The following ARID2 variants were observed in gnomAD, a reference collection of about 807,000 sequenced individuals.
ARID2 encodes the protein AT-rich interaction domain 2.
In ARID2, 32 loss-of-function variants were observed where a neutral mutation model predicts 184.6. The observed-to-expected ratio is 0.17, with a 90% CI of 0.13 to 0.23. ARID2 has a LOEUF of 0.23. ARID2 is among the 10% of genes least tolerant of loss of function. The pLI is 1.00. For synonymous variants in ARID2, 836 were observed against 772.6 expected, an observed-to-expected ratio of 1.08 and a Z score of -1.36; for missense variants, 1,696 against 2,197.6, an observed-to-expected ratio of 0.77 and a Z score of 4.56.
intron 3 of ARID2, among the ~76,000 whole-genome samples, chr12:45,790,235 T>C (rs1276832493): frequency 6.6e-6 from 1 of 152,176 alleles, no homozygotes; most frequent in African/African-American, 2.4e-5. Flanking sequence ...CTTTTTTATA[T>C]GATGCTTAAA....
At position 45,741,002 on chromosome 12, in the gene ARID2, C is replaced by T. The variant is rs146161477; in HGVS notation, c.284+9688C>T. ...TTTTGAATTAATAAGTATTCTGTAG[C>T]GACATACCTTGAGACCATGAAACTA... On this transcript the variant is annotated intron_variant, in intron 3 of 20. Transcript: ENST00000334344. 1.3e-3 allele frequency among the ~76,000 whole-genome samples: 205 copies of T among 152,214 alleles called. 2 individuals are homozygous for T. The highest frequency in any genetic ancestry group is 6.8e-3 in the Middle Eastern group (2 of 294).
intron 3 of ARID2, among the ~76,000 whole-genome samples, chr12:45,734,002 T>C (rs186498282): frequency 4.1e-4 from 62 of 152,328 alleles, no homozygotes; most frequent in Admixed American, 1.6e-3. Context: ...TATATACACG[T>C]ACTGTGTACC....
intron 3 of ARID2, among the ~76,000 whole-genome samples, chr12:45,735,245 A>G (rs1001383319): frequency 2.6e-5 from 4 of 152,166 alleles, no homozygotes; most frequent in Non-Finnish European, 5.9e-5. Context: ...AATTCTTTTA[A>G]GAGAAAGCCT....
rs1940933817 is a variant in ARID2, at chr12:45,729,779, C to T, written c.-58C>T. Reference sequence around the variant, plus strand: ...GGGCTCTGGTAGGAAGCGCTGGGAGCGGGGGGCGCTTTTAAAACACCGATC... The same window carrying T: ...GGGCTCTGGTAGGAAGCGCTGGGAGTGGGGGGCGCTTTTAAAACACCGATC... On this transcript the variant is annotated 5_prime_UTR_variant, in exon 1 of 21. Transcript: ENST00000334344. 3 of 1,489,172 alleles carry T rather than the reference C, an allele frequency of 2.0e-6. No homozygotes were observed. The highest frequency in any genetic ancestry group is 1.8e-6 in the Non-Finnish European group (2 of 1,093,284). The allele number at this position is 1,489,172 out of a possible 1,614,324, so 92.2% of individuals were successfully genotyped here.
chr12:45,753,719 G>A (rs1197383143), intron 3 of ARID2, among the ~76,000 whole-genome samples: 2 of 151,964 alleles, frequency 1.3e-5, no homozygotes, highest in Non-Finnish European at 2.9e-5. Context: ...TCAGCCTCCC[G>A]AATAGCTGGG....
intron 11 of ARID2, among the ~76,000 whole-genome samples, 191 bp from the exon 12 acceptor site, chr12:45,846,665 A>C (rs1211952311): frequency 2.0e-5 from 3 of 152,118 alleles, no homozygotes; most frequent in Non-Finnish European, 4.4e-5. Flanking sequence ...GAATCCTCTA[A>C]GACAGTGCCT....
intron 3 of ARID2, among the ~76,000 whole-genome samples, chr12:45,808,740 T>C (rs1328194270): frequency 1.4e-4 from 20 of 144,282 alleles, no homozygotes; most frequent in African/African-American, 3.5e-4. Flanking sequence ...TGCGTGCGTG[T>C]GTGTGTGTGT....
intron 11 of ARID2, among the ~76,000 whole-genome samples, chr12:45,845,364 A>G (rs976344440): frequency 1.3e-5 from 2 of 152,136 alleles, no homozygotes; most frequent in Non-Finnish European, 2.9e-5. Context: ...AGGAAAAATT[A>G]TTTTTGTTCT....
intron 3 of ARID2, among the ~76,000 whole-genome samples, chr12:45,761,331 TTTG>T (rs1447734909): frequency 1.3e-5 from 2 of 152,244 alleles, no homozygotes; most frequent in Non-Finnish European, 2.9e-5. Context: ...CTTCCCATAT[TTTG>T]TTGTTTTCTT....
intron 6 of ARID2, among the ~76,000 whole-genome samples, chr12:45,835,388 CCAAA>C (rs1426589162): frequency 6.6e-6 from 1 of 151,872 alleles, no homozygotes; most frequent in South Asian, 2.1e-4. Flanking sequence ...TTTATTGCTA[CCAAA>C]CATTGTTTGT....
rs2138167149 is a variant in ARID2, at chr12:45,851,023, A to T, written c.2900A>T (p.Asn967Ile). The T allele has an allele frequency of 6.2e-7, 1 of 1,614,136 alleles. No individual in the cohort carries two copies. The highest frequency in any genetic ancestry group is 8.5e-7 in the Non-Finnish European group (1 of 1,180,004). Residue 967 changes from asparagine (N) to isoleucine (I), a missense_variant, in exon 15 of 21, where the codon AAC becomes ATC. Physicochemically the swap from Asn to Ile is moderately radical, Grantham distance 149 (BLOSUM62 -3). Transcript: ENST00000334344. ...ACAGTTCAGCTAACTGGACAACCTA[A>T]CATAACTCCATCTTCTTCACCATCA... ...GQTVQLTGQP[N>I]ITPSSSPSPV...
chr12:45,780,650 C>A (rs1942071014), intron 3 of ARID2, among the ~76,000 whole-genome samples: 1 of 151,868 alleles, frequency 6.6e-6, no homozygotes, highest in South Asian at 2.1e-4. Flanking sequence ...CGGAGTCTTG[C>A]TCTTATTGCC....
intron 3 of ARID2, among the ~76,000 whole-genome samples, chr12:45,805,500 G>A (rs1049779064): frequency 6.6e-6 from 1 of 151,860 alleles, no homozygotes; most frequent in Admixed American, 6.6e-5. Context: ...AATCACAATT[G>A]CTTTCTCTTG....
chr12:45,889,175 C>T (rs1030860419), intron 16 of ARID2, among the ~76,000 whole-genome samples: 2 of 152,128 alleles, frequency 1.3e-5, no homozygotes, highest in Non-Finnish European at 2.9e-5. Context: ...GAGTGAGACT[C>T]TGTCTCAAAT....
intron 15 of ARID2, among the ~76,000 whole-genome samples, chr12:45,855,074 CAT>C (rs1290534056): frequency 2.0e-5 from 3 of 152,114 alleles, no homozygotes; most frequent in East Asian, 1.9e-4. Context: ...TTTAATCTAA[CAT>C]ATTGATTATT....
chr12:45,831,014 T>C (rs139462258), intron 6 of ARID2, among the ~76,000 whole-genome samples: 82 of 149,286 alleles, frequency 5.5e-4, no homozygotes, highest in Non-Finnish European at 1.1e-3. Flanking sequence ...GCCGAGATCA[T>C]GCCACTAGTG....
chr12:45,851,406 C>A lies in ARID2; in HGVS notation c.3283C>A (p.Pro1095Thr), dbSNP rs2138170708. 6.2e-7 allele frequency: 1 copy of A among 1,614,134 alleles called. No homozygotes were observed. Among genetic ancestry groups the A allele is most frequent in the Non-Finnish European group, 8.5e-7 (1 of 1,180,002 alleles). Residue 1095 changes from proline to threonine, a missense_variant, in exon 15 of 21, where the codon CCT (proline) becomes ACT (threonine). Physicochemically the swap from Pro to Thr is conservative, Grantham distance 38. Around this residue, in one of 11 missense-constraint regions of ARID2, gnomAD observed 713 missense variants for 824.4 expected, o/e 0.86. Transcript: ENST00000334344. ...PPPNNARAPS[P>T]QVVYQVASNQ... is the part of the protein sequence containing the mutation. Reference sequence around the variant, plus strand: ...CCCTAATAATGCAAGAGCTCCTAGCCCTCAGGTGGTCTATCAGGTGGCCAG... The same window carrying A: ...CCCTAATAATGCAAGAGCTCCTAGCACTCAGGTGGTCTATCAGGTGGCCAG...
intron 5 of ARID2, among the ~76,000 whole-genome samples, chr12:45,820,799 A>T (rs1942882150): frequency 6.6e-6 from 1 of 152,140 alleles, no homozygotes. Flanking sequence ...TTTGGTGGGG[A>T]AGTGAGGGCC....
At chr12:45,772,252 T>C (rs749118281) in intron 3 of ARID2, among the ~76,000 whole-genome samples, 2 of 152,202 alleles carry the variant, frequency 1.3e-5, no homozygotes, top group African/African-American at 2.4e-5. Context: ...AAAATCTAGT[T>C]ATATCAATAA....
Sources: gnomAD v4.1 joint callset for allele counts (sites outside exome capture counted in the v4.1 genomes callset) on GRCh38, gnomAD v4.1.1 for gene constraint, gnomAD v4.1.1 regional missense constraint, MANE v1.5 for transcripts, NCBI Gene and HGNC (gene_info 2026-07-23, HGNC 2026-07-21) for gene names.